The following RNF213 variants were observed in gnomAD, a reference collection of about 807,000 sequenced individuals.
RNF213 encodes E3 ubiquitin-protein ligase RNF213.
A neutral mutation model predicts 514.4 loss-of-function variants in RNF213; 341 were observed. The ratio of observed to expected loss-of-function variants is 0.66; its 90% CI spans 0.61 to 0.73. The LOEUF (loss-of-function observed/expected upper bound fraction) is 0.73. Among genes scored for constraint, RNF213 ranks in the 30% least tolerant of loss-of-function variants. The pLI, the probability that RNF213 is intolerant of heterozygous loss-of-function variation, is 0.00. For synonymous variants in RNF213, 2,655 were observed against 2,658.2 expected, an observed-to-expected ratio of 1.00 and a Z score of 0.04; for missense variants, 5,767 against 6,615.6, an observed-to-expected ratio of 0.87 and a Z score of 4.45.
rs2044561301 is a variant in RNF213, at chr17:80,288,572, T to G, written c.811-61T>G. 3.1e-6 allele frequency: 5 copies of G among 1,613,628 alleles called. No homozygotes were observed. In the Admixed American group the frequency reaches 8.3e-5, roughly 27 times the overall value. On this transcript the variant is annotated intron_variant, in intron 4 of 67. Coordinates refer to ENST00000582970, the MANE Select transcript of RNF213 (RefSeq NM_001256071.3). This position sits in a 1 kb window ranked among gnomAD's most constrained non-coding sequence, Gnocchi z 4.9. ...GTGGCAGATGCTGCCCCTTAAACCATTGAGTCGGAGTCACCCTGGCCCATT... is the reference window on the plus strand; with the variant it reads ...GTGGCAGATGCTGCCCCTTAAACCAGTGAGTCGGAGTCACCCTGGCCCATT...
chr17:80,353,276 C>A lies in RNF213; in HGVS notation c.10423+217C>A. ...ACAGGCTGAGGTAGAGCTCTGTGAG[C>A]AGGCCAGCCATGGAAGTGAGCACCT... is the stretch of plus-strand genomic sequence containing the variant. On this transcript the variant is annotated intron_variant, in intron 33 of 67. Transcript: ENST00000582970. The surrounding 1 kb of genome is among the most constrained non-coding windows in gnomAD (Gnocchi z 5.0). 1.3e-6 allele frequency: 1 copy of A among 788,092 alleles called. No individual in the cohort carries two copies. The highest frequency in any genetic ancestry group is 2.1e-6 in the Non-Finnish European group (1 of 484,018). 48.8% of individuals were successfully genotyped at this position (788,092 alleles called of 1,614,324 possible). A position where few individuals can be genotyped will look rare whatever the true frequency, so the allele number is the denominator to read the frequency against.
At position 80,353,513 on chromosome 17, in the gene RNF213, G is replaced by A. The variant is rs750868192; in HGVS notation, c.10425G>A (p.Leu3475=). 1.1e-5 allele frequency: 18 copies of A among 1,609,422 alleles called. No individual in the cohort carries two copies. The highest frequency in any genetic ancestry group is 1.5e-5 in the Non-Finnish European group (18 of 1,177,722). ...CAATCACGTTTGCTTCGACTGCAGTGGGCTTGGAACACCGGGCGGAAGACG... is the reference window on the plus strand; with the variant it reads ...CAATCACGTTTGCTTCGACTGCAGTAGGCTTGGAACACCGGGCGGAAGACG... ...QLFAPGDLPE[L]GLEHRAEDGH... Residue 3475 remains leucine (L), a splice_region_variant and synonymous_variant, in exon 34 of 68, where the codon CTG becomes CTA. Transcript: ENST00000582970. The surrounding 1 kb of genome is among the most constrained non-coding windows in gnomAD (Gnocchi z 5.0).
rs138595111 is a variant in RNF213 at position 80,344,886 on chromosome 17, A to G, written c.6551A>G (p.Gln2184Arg). 5,880 of 1,614,204 alleles carry G rather than the reference A, an allele frequency of 3.6e-3. 20 individuals carry two copies. The highest frequency in any genetic ancestry group is 0.01 in the Middle Eastern group (62 of 6,062). ...CAAAACCAAGACCTAGACACGTTTC[A>G]GTATCAAGAAGGCTCTGTCGAAGGC... ...FNQNQDLDTF[Q>R]YQEGSVEGTP... The change falls in exon 29 of 68, where the codon CAG becomes CGG. Residue 2184 changes from glutamine to arginine, a missense_variant. Coordinates refer to ENST00000582970, the MANE Select transcript of RNF213 (RefSeq NM_001256071.3).
At position 80,332,632 on chromosome 17, in the gene RNF213, G is replaced by A; in HGVS notation, c.4143+1G>A. 1 of 1,481,862 alleles carries A rather than the reference G, an allele frequency of 6.7e-7. No individual in the cohort carries two copies. The allele number at this position is 1,481,862 out of a possible 1,614,324, so 91.8% of individuals were successfully genotyped here. On this transcript the variant is annotated splice_donor_variant, in intron 21 of 67. Transcript: ENST00000582970. LOFTEE classifies it high-confidence loss of function. ...TGTTCTCAACACTTTACTAAATTTT[G>A]TAAGTTATTTGCTGGGGACTGTGGG...
At chr17:80,306,851 C>CAA (rs67070144) in intron 12 of RNF213, among the ~76,000 whole-genome samples, 1 of 105,470 alleles carries the variant, frequency 9.5e-6, no homozygotes, top group Non-Finnish European at 2.1e-5. Flanking sequence ...GACTCCATCT[C>CAA]AAAAAAAAAA....
chr17:80,339,359 A>G lies in RNF213; in HGVS notation c.4992A>G (p.Lys1664=). The change falls in exon 26 of 68, where the codon AAA becomes AAG. Residue 1664 remains lysine (K), a synonymous_variant. Transcript: ENST00000582970. The part of the protein sequence containing the change: ...DFGLDLVTEL[K]EGGDVTELLA... ...GCTTGGACCTGGTGACGGAGCTTAAAGAAGGTGGAGATGTCACTGAGCTGC... is the reference window on the plus strand; with the variant it reads ...GCTTGGACCTGGTGACGGAGCTTAAGGAAGGTGGAGATGTCACTGAGCTGC... 2 of 1,537,250 alleles carry G rather than the reference A, an allele frequency of 1.3e-6. No individual in the cohort carries two copies. The highest frequency in any genetic ancestry group is 1.7e-6 in the Non-Finnish European group (2 of 1,146,910).
chr17:80,348,765 G>A (rs372946741), intron 29 of RNF213, among the ~76,000 whole-genome samples: 35 of 152,350 alleles, frequency 2.3e-4, no homozygotes, highest in African/African-American at 7.9e-4. Flanking sequence ...AAGAATGGCC[G>A]GGAAGGGATT....
At chr17:80,304,121 A>G (rs1394447681) in intron 11 of RNF213, among the ~76,000 whole-genome samples, 1 of 152,018 alleles carries the variant, frequency 6.6e-6, no homozygotes, top group Non-Finnish European at 1.5e-5. Context: ...CTGCAGTAGC[A>G]TTGTTCCTAA....
chr17:80,363,942 C>T, intron 41 of RNF213, 152 bp downstream of exon 41: 1 of 799,534 alleles, frequency 1.3e-6, no homozygotes, highest in Non-Finnish European at 2.1e-6. Context: ...TTGCCGAACC[C>T]TTAGTGAGTG....
intron 35 of RNF213, 95 bp from the exon 36 acceptor site, chr17:80,354,346 C>T (rs943201621): frequency 4.1e-5 from 65 of 1,592,522 alleles, no homozygotes; most frequent in East Asian, 3.3e-4. Flanking sequence ...GCCTGGCCAA[C>T]GGACTTCCCT....
At position 80,372,601 on chromosome 17, in the gene RNF213, G is replaced by A; in HGVS notation, c.12618G>A (p.Lys4206=). 6.2e-7 allele frequency: 1 copy of A among 1,614,052 alleles called. No individual in the cohort carries two copies. The highest frequency in any genetic ancestry group is 8.5e-7 in the Non-Finnish European group (1 of 1,180,006). The change falls in exon 48 of 68, where the codon AAG becomes AAA. Residue 4206 remains lysine, a synonymous_variant. Coordinates refer to ENST00000582970, the MANE Select transcript of RNF213 (RefSeq NM_001256071.3). ...TAGAAGAGGAAGGTCGTTTCCTTAA[G>A]GCATATTCTCCAGCAAGCCGGGGCC... ...NHLEEEGRFL[K]AYSPASRGRE...
intron 18 of RNF213, among the ~76,000 whole-genome samples, chr17:80,326,117 C>T (rs1242745702): frequency 6.6e-6 from 1 of 151,978 alleles, no homozygotes; most frequent in Non-Finnish European, 1.5e-5. Context: ...AGCCACTGTG[C>T]CCAGCAGTTT....
In RNF213 at chr17:80,395,679, C is replaced by T. The variant is rs1469944052; in HGVS notation, c.*2181C>T. 1 of 152,288 alleles carries T rather than the reference C, an allele frequency of 6.6e-6. No individual in the cohort carries two copies. Among genetic ancestry groups the T allele is most frequent in the African/African-American group, 2.4e-5 (1 of 41,470 alleles). The allele number at this position is 152,288 out of a possible 1,614,324, so 9.4% of individuals were successfully genotyped here. A position where few individuals can be genotyped will look rare whatever the true frequency, so the allele number is the denominator to read the frequency against. On this transcript the variant is annotated 3_prime_UTR_variant, in exon 68 of 68. Transcript: ENST00000582970. ...CAGGTAGGAGCTAACTAACTTCACC[C>T]CTGAGTCCACTTGCGGGGTAAGAGA...
At chr17:80,311,471 C>T (rs1297613738) in intron 14 of RNF213, among the ~76,000 whole-genome samples, 1 of 152,184 alleles carries the variant, frequency 6.6e-6, no homozygotes, top group Non-Finnish European at 1.5e-5. Flanking sequence ...GTGCCTGTTT[C>T]GTTTTCTGTC....
chr17:80,274,090 T>C (rs2043928910), intron 3 of RNF213, among the ~76,000 whole-genome samples: 1 of 152,154 alleles, frequency 6.6e-6, no homozygotes, highest in Non-Finnish European at 1.5e-5. Context: ...GGCAGGGACC[T>C]GAGCGTCCGC....
chr17:80,331,796 GT>G (rs1195588388), intron 20 of RNF213, among the ~76,000 whole-genome samples: 1 of 152,198 alleles, frequency 6.6e-6, no homozygotes, highest in African/African-American at 2.4e-5. Flanking sequence ...TTACCCAGAA[GT>G]TTATGATGCT....
chr17:80,270,124 G>A lies in RNF213; in HGVS notation c.98-3117G>A, dbSNP rs186482824. On this transcript the variant is annotated intron_variant, in intron 2 of 67. Transcript: ENST00000582970. Reference sequence around the variant, plus strand: ...TGAATGTGTGCGCACACACACACACGTTAATGTGAGTGGCAGCTCGTGCCC... The same window carrying A: ...TGAATGTGTGCGCACACACACACACATTAATGTGAGTGGCAGCTCGTGCCC... Among the ~76,000 whole-genome samples the A allele has an allele frequency of 8.5e-5, 13 of 152,312 alleles. No individual in the cohort carries two copies. The East Asian group carries it at 2.1e-3, about 25-fold the overall frequency.
chr17:80,342,647 AT>A (rs1284812622), intron 26 of RNF213, among the ~76,000 whole-genome samples: 1 of 146,232 alleles, frequency 6.8e-6, no homozygotes, highest in Non-Finnish European at 1.5e-5. Context: ...TATTCTATAT[AT>A]TTTTACATAT....
At position 80,395,306 on chromosome 17, in the gene RNF213, T is replaced by C. The variant is rs2080632818; in HGVS notation, c.*1808T>C. ...TCTTAATAAACTGGAGTTTTGCTGC[T>C]AAAGAACTCTTCTCTCTGGGGGCAG... is the stretch of plus-strand genomic sequence containing the variant. On this transcript the variant is annotated 3_prime_UTR_variant, in exon 68 of 68. Transcript: ENST00000582970. 6.6e-6 allele frequency: 1 copy of C among 152,206 alleles called. No individual in the cohort carries two copies. Among genetic ancestry groups the C allele is most frequent in the Middle Eastern group, 3.2e-3 (1 of 316 alleles). 9.4% of individuals were successfully genotyped at this position (152,206 alleles called of 1,614,324 possible).
Sources: gnomAD v4.1 joint callset for allele counts (sites outside exome capture counted in the v4.1 genomes callset) on GRCh38, gnomAD v4.1.1 for gene constraint, Gnocchi (gnomAD v3.1) non-coding constraint, MANE v1.5 for transcripts, NCBI Gene and HGNC (gene_info 2026-07-23, HGNC 2026-07-21) for gene names.